Variants in HPSE2 observed in about 807,000 individuals in gnomAD.
The protein encoded by HPSE2 is inactive heparanase-2.
HPSE2 carries 38 observed loss-of-function variants against 60.5 expected under a neutral mutation model. That is an observed-to-expected ratio of 0.63 (90% CI 0.48 to 0.82). The LOEUF is 0.82. HPSE2 is among the 40% of genes least tolerant of loss of function. The pLI, the probability that HPSE2 is intolerant of heterozygous loss-of-function variation, is 0.00. For synonymous variants in HPSE2, 295 were observed against 293.2 expected (o/e 1.01, Z -0.06); for missense variants, 713 against 740.4 (o/e 0.96, Z 0.43).
At position 99,232,209 on chromosome 10, in the gene HPSE2, G is replaced by C. The variant is rs1849667672; in HGVS notation, c.448+139C>G. On this transcript the variant is annotated intron_variant, in intron 2 of 11. Transcript: ENST00000370552. ...TCCAAATCTGCCCCAACGCGCGCGC[G>C]CGCATACACACACACACACACACAC... 24 of 759,386 alleles carry C rather than the reference G, an allele frequency of 3.2e-5. 1 individual carries two copies. The highest frequency in any genetic ancestry group is 4.7e-5 in the Non-Finnish European group (24 of 506,742). The allele number at this position is 759,386 out of a possible 1,614,324, so 47.0% of individuals were successfully genotyped here.
At chr10:98,989,121 C>T (rs372756783) in intron 3 of HPSE2, among the ~76,000 whole-genome samples, 69 of 151,646 alleles carry the variant, frequency 4.6e-4, no homozygotes, top group Admixed American at 3.3e-3. Context: ...AGAAATACCA[C>T]TTGACCCAGC....
At chr10:98,931,518 C>T (rs980119737) in intron 3 of HPSE2, among the ~76,000 whole-genome samples, 2 of 143,870 alleles carry the variant, frequency 1.4e-5, no homozygotes, top group African/African-American at 5.7e-5. Context: ...TCAATGGTAG[C>T]TTAATGGGAA....
chr10:99,034,948 C>T (rs1249009520), intron 3 of HPSE2, among the ~76,000 whole-genome samples: 1 of 152,070 alleles, frequency 6.6e-6, no homozygotes, highest in Non-Finnish European at 1.5e-5. Context: ...GCATTTATCA[C>T]AAATGGAACT....
intron 3 of HPSE2, among the ~76,000 whole-genome samples, chr10:98,836,459 T>A (rs543295947): frequency 6.6e-6 from 1 of 152,300 alleles, no homozygotes; most frequent in South Asian, 2.1e-4. Context: ...TGAAGGAGAT[T>A]GACAAAAAGT....
At chr10:98,995,360 C>T (rs748210370) in intron 3 of HPSE2, among the ~76,000 whole-genome samples, 4 of 152,100 alleles carry the variant, frequency 2.6e-5, no homozygotes, top group African/African-American at 9.7e-5. Flanking sequence ...CAATAAGCAA[C>T]GGGTCTGCTA....
intron 9 of HPSE2, among the ~76,000 whole-genome samples, chr10:98,519,707 G>C (rs1591305499): frequency 6.6e-6 from 1 of 152,314 alleles, no homozygotes; most frequent in African/African-American, 2.4e-5. Context: ...GTGAAGTCAG[G>C]TGGAGACCTA....
At chr10:98,938,202 G>A (rs1183718032) in intron 3 of HPSE2, among the ~76,000 whole-genome samples, 4 of 144,708 alleles carry the variant, frequency 2.8e-5, no homozygotes, top group Admixed American at 6.8e-5. Flanking sequence ...CCAAAGGAAC[G>A]CAGTTCCTCA....
intron 3 of HPSE2, among the ~76,000 whole-genome samples, chr10:98,905,684 T>G (rs1953796345): frequency 6.6e-6 from 1 of 152,134 alleles, no homozygotes; most frequent in Non-Finnish European, 1.5e-5. Flanking sequence ...TATTATATTA[T>G]TTAATAAAGG....
At chr10:98,840,605 G>A (rs1292736616) in intron 3 of HPSE2, among the ~76,000 whole-genome samples, 1 of 152,106 alleles carries the variant, frequency 6.6e-6, no homozygotes, top group Non-Finnish European at 1.5e-5. Context: ...GGATTGGGAA[G>A]AGACAAAAAA....
Position 98,457,233 on chromosome 10 carries a change from G to A in HPSE2, c.*2341C>T, listed in dbSNP as rs989529022. 2 of 152,232 alleles carry A rather than the reference G, an allele frequency of 1.3e-5. No individual in the cohort carries two copies. Among genetic ancestry groups the A allele is most frequent in the Non-Finnish European group, 2.9e-5 (2 of 68,038 alleles). 9.4% of individuals were successfully genotyped at this position (152,232 alleles called of 1,614,324 possible). A position where few individuals can be genotyped will look rare whatever the true frequency, so the allele number is the denominator to read the frequency against. ...AAAAAAAAATCAACACTTATTTACA[G>A]AAAGTGTGTTTGAGTGGAGTTCTGG... On this transcript the variant is annotated 3_prime_UTR_variant, in exon 12 of 12. Coordinates refer to ENST00000370552, the MANE Select transcript of HPSE2 (RefSeq NM_021828.5).
At chr10:98,742,183 T>A (rs1176913558) in intron 4 of HPSE2, among the ~76,000 whole-genome samples, 1 of 151,916 alleles carries the variant, frequency 6.6e-6, no homozygotes, top group Non-Finnish European at 1.5e-5. Flanking sequence ...GTATCCTGAG[T>A]TTAACTCAAC....
the HPSE2 span, among the ~76,000 whole-genome samples, chr10:99,266,644 A>AG: frequency 6.6e-6 from 1 of 152,162 alleles, no homozygotes; most frequent in Non-Finnish European, 1.5e-5. Context: ...ATACTACCAC[A>AG]GCTGATGCTC....
intron 9 of HPSE2, among the ~76,000 whole-genome samples, chr10:98,595,159 A>G (rs1170694043): frequency 6.9e-6 from 1 of 145,118 alleles, no homozygotes; most frequent in Non-Finnish European, 1.5e-5. Context: ...GCTATTATAA[A>G]TGAGATTTTT....
chr10:99,309,221 G>A, the HPSE2 span, among the ~76,000 whole-genome samples: 1 of 152,094 alleles, frequency 6.6e-6, no homozygotes, highest in African/African-American at 2.4e-5. Flanking sequence ...GTGGGTTTTT[G>A]GGGGGCAGGT....
intron 3 of HPSE2, among the ~76,000 whole-genome samples, chr10:99,055,687 T>C (rs189170978): frequency 2.4e-3 from 366 of 152,234 alleles, no homozygotes; most frequent in Admixed American, 5.0e-3. Context: ...GATAATCTCC[T>C]AGTAGTTACA....
chr10:98,481,555 T>C (rs1486178216), intron 11 of HPSE2, among the ~76,000 whole-genome samples: 1 of 152,154 alleles, frequency 6.6e-6, no homozygotes, highest in Admixed American at 6.5e-5. Flanking sequence ...AATGTACATG[T>C]AGCCAGAAAA....
At chr10:98,888,329 C>T (rs1246892189) in intron 3 of HPSE2, among the ~76,000 whole-genome samples, 1 of 151,702 alleles carries the variant, frequency 6.6e-6, no homozygotes, top group Non-Finnish European at 1.5e-5. Context: ...GTCTTAGGGT[C>T]ACTATAAAGA....
At chr10:99,186,225 G>T (rs955501858) in intron 2 of HPSE2, among the ~76,000 whole-genome samples, 2 of 150,840 alleles carry the variant, frequency 1.3e-5, no homozygotes, top group African/African-American at 4.9e-5. Flanking sequence ...AAAGGAAAAA[G>T]ATACATTGCC....
At chr10:98,501,256 A>G (rs1199987085) in intron 9 of HPSE2, among the ~76,000 whole-genome samples, 1 of 152,190 alleles carries the variant, frequency 6.6e-6, no homozygotes, top group Non-Finnish European at 1.5e-5. Flanking sequence ...AGAAAACTAC[A>G]GACCAATATC....
Sources: allele counts gnomAD v4.1 joint callset (sites outside exome capture counted in the v4.1 genomes callset), GRCh38; gene constraint gnomAD v4.1.1; transcripts MANE v1.5; gene names NCBI Gene and HGNC (gene_info 2026-07-23, HGNC 2026-07-21).